CADM2: variants seen among roughly 807,000 people sequenced by gnomAD.
CADM2 encodes immunoglobulin superfamily member 4D.
Under a neutral mutation model 49.8 loss-of-function variants are expected in CADM2, and 12 were observed. The ratio of observed to expected loss-of-function variants is 0.24; its 90% CI spans 0.15 to 0.39. The LOEUF (loss-of-function observed/expected upper bound fraction) is 0.39. CADM2 is among the 10% of genes least tolerant of loss of function. The pLI is 1.00. For synonymous variants in CADM2, 214 were observed against 175.4 expected, an observed-to-expected ratio of 1.22 and a Z score of -1.74; for missense variants, 378 against 492.3, an observed-to-expected ratio of 0.77 and a Z score of 2.20.
chr3:85,677,202 G>T (rs1379838800), intron 1 of CADM2, among the ~76,000 whole-genome samples: 4 of 151,888 alleles, frequency 2.6e-5, no homozygotes, highest in Admixed American at 2.6e-4. Context: ...CCCAGGGAAT[G>T]ATTTTACAGA....
intron 8 of CADM2, among the ~76,000 whole-genome samples, chr3:85,996,485 A>C (rs1354112557): frequency 6.6e-6 from 1 of 151,804 alleles, no homozygotes; most frequent in South Asian, 2.1e-4. Context: ...ATTCACATAC[A>C]TATAATCCAA....
chr3:85,626,637 T>C (rs924876800), intron 1 of CADM2, among the ~76,000 whole-genome samples: 5 of 152,046 alleles, frequency 3.3e-5, no homozygotes, highest in African/African-American at 7.2e-5. Flanking sequence ...CAAAGAGATT[T>C]CTCATGTAAT....
intron 1 of CADM2, among the ~76,000 whole-genome samples, chr3:85,671,057 C>G (rs2065720681): frequency 1.3e-5 from 2 of 152,126 alleles, no homozygotes; most frequent in Admixed American, 1.3e-4. Context: ...GAAGACTTGG[C>G]CTTTCATAGC....
chr3:85,320,479 C>A (rs926349511), intron 1 of CADM2, among the ~76,000 whole-genome samples: 9 of 152,148 alleles, frequency 5.9e-5, no homozygotes, highest in African/African-American at 1.9e-4. Flanking sequence ...TGCAGGCAAT[C>A]TTCATAGTCT....
At chr3:85,456,362 C>T (rs1230764173) in intron 1 of CADM2, among the ~76,000 whole-genome samples, 7 of 152,102 alleles carry the variant, frequency 4.6e-5, no homozygotes, top group Non-Finnish European at 1.0e-4. Flanking sequence ...CCACACAATA[C>T]TATAGCCAGT....
In CADM2 at chr3:85,195,170, G is replaced by A. The variant is rs113542247; in HGVS notation, c.61+235502G>A. On this transcript the variant is annotated intron_variant, in intron 1 of 9. Coordinates refer to ENST00000383699, the MANE Select transcript of CADM2 (RefSeq NM_001167675.2). Reference sequence around the variant, plus strand: ...ATGTCAAGAGGCAACATGATGTATTGAGAAAGCATTACTTTTATAGTAAGA... The same window carrying A: ...ATGTCAAGAGGCAACATGATGTATTAAGAAAGCATTACTTTTATAGTAAGA... Among the ~76,000 whole-genome samples, 966 of 152,230 alleles carry A rather than the reference G, an allele frequency of 6.3e-3. 13 individuals are homozygous for A. The highest frequency in any genetic ancestry group is 0.022 in the African/African-American group (901 of 41,552).
At chr3:86,029,701 A>G (rs925388137) in intron 8 of CADM2, among the ~76,000 whole-genome samples, 17 of 152,076 alleles carry the variant, frequency 1.1e-4, no homozygotes, top group Non-Finnish European at 2.2e-4. Context: ...TCTGGCTCCT[A>G]CATTACAACT....
intron 1 of CADM2, among the ~76,000 whole-genome samples, chr3:85,244,795 C>A (rs1338143326): frequency 6.6e-6 from 1 of 152,072 alleles, no homozygotes; most frequent in Admixed American, 6.6e-5. Context: ...CATCCTACTA[C>A]CAAGGTATTA....
At chr3:85,096,570 G>C (rs190242818) in intron 1 of CADM2, among the ~76,000 whole-genome samples, 2 of 152,066 alleles carry the variant, frequency 1.3e-5, no homozygotes, top group East Asian at 3.9e-4. Flanking sequence ...TAACATATCA[G>C]AATATTCGTA....
intron 2 of CADM2, among the ~76,000 whole-genome samples, chr3:85,734,258 A>T (rs2068044241): frequency 6.6e-6 from 1 of 152,088 alleles, no homozygotes; most frequent in South Asian, 2.1e-4. Flanking sequence ...TCAATCAAGC[A>T]TCACTCTTTG....
chr3:85,147,275 C>CAAAAAAAAAAAAAAA (rs759888985), intron 1 of CADM2, among the ~76,000 whole-genome samples: 13 of 46,002 alleles, frequency 2.8e-4, no homozygotes, highest in African/African-American at 6.0e-4. Context: ...GACTCTGTCT[C>CAAAAAAAAAAAAAAA]AAAAAAAAAA....
chr3:85,640,544 G>A (rs1422914747), intron 1 of CADM2, among the ~76,000 whole-genome samples: 4 of 152,158 alleles, frequency 2.6e-5, no homozygotes, highest in Admixed American at 6.5e-5. Flanking sequence ...AGGCTGTAAT[G>A]TATGAGAGAG....
At chr3:85,365,202 T>C (rs1193491000) in intron 1 of CADM2, among the ~76,000 whole-genome samples, 1 of 147,852 alleles carries the variant, frequency 6.8e-6, no homozygotes, top group African/African-American at 2.5e-5. Flanking sequence ...TTTTTTACTT[T>C]TTTTTTTTTT....
Position 85,886,201 on chromosome 3 carries a change from A to G in CADM2, c.403A>G (p.Lys135Glu), listed in dbSNP as rs756912641. 4 of 1,612,938 alleles carry G rather than the reference A, an allele frequency of 2.5e-6. No homozygotes were observed. The highest frequency in any genetic ancestry group is 2.5e-6 in the Non-Finnish European group (3 of 1,179,256). Residue 135 changes from lysine to glutamate, a missense_variant, in exon 5 of 10, where the codon AAG becomes GAG. Transcript: ENST00000383699. ...CGCTTAAATTTCAGGTGTTCCTGAA[A>G]AGCCTCAGATTAGTGGATTCTCATC... ...AYLTVLGVPEKPQISGFSSPV... is the reference protein window; with the variant it reads ...AYLTVLGVPEEPQISGFSSPV...
chr3:85,561,811 G>A (rs771178777), intron 1 of CADM2, among the ~76,000 whole-genome samples: 24 of 152,110 alleles, frequency 1.6e-4, no homozygotes, highest in Admixed American at 4.6e-4. Context: ...CAGACTTTTC[G>A]TTGATCTAAT....
intron 3 of CADM2, among the ~76,000 whole-genome samples, chr3:85,853,998 C>A (rs558936952): frequency 6.6e-6 from 1 of 152,172 alleles, no homozygotes; most frequent in African/African-American, 2.4e-5. Context: ...ATATTAAAAA[C>A]TTTACAGCTT....
At chr3:85,971,044 AAG>A (rs529989292) in intron 8 of CADM2, among the ~76,000 whole-genome samples, 6 of 151,564 alleles carry the variant, frequency 4.0e-5, no homozygotes, top group Non-Finnish European at 7.4e-5. Flanking sequence ...TTACTGCAAA[AAG>A]TGATTTTTGT....
intron 8 of CADM2, among the ~76,000 whole-genome samples, chr3:86,003,440 T>A (rs1309729762): frequency 6.6e-6 from 1 of 152,150 alleles, no homozygotes; most frequent in East Asian, 1.9e-4. Flanking sequence ...GCAAGCAGGG[T>A]AAAATCTGAC....
chr3:85,710,952 T>C (rs934310568), intron 1 of CADM2, among the ~76,000 whole-genome samples: 1 of 152,144 alleles, frequency 6.6e-6, no homozygotes, highest in African/African-American at 2.4e-5. Context: ...GGTGGGATTT[T>C]AGGCTTAACA....
Sources: allele counts gnomAD v4.1 joint callset (sites outside exome capture counted in the v4.1 genomes callset), GRCh38; gene constraint gnomAD v4.1.1; transcripts MANE v1.5; gene names NCBI Gene and HGNC (gene_info 2026-07-23, HGNC 2026-07-21).